Variants in UBAC2 observed in about 807,000 individuals in gnomAD.
UBAC2 encodes the protein UBA domain containing 2, also known as ubiquitin-associated domain-containing protein 2.
UBAC2 carries 26 observed loss-of-function variants against 44.0 expected under a neutral mutation model. The observed-to-expected ratio is 0.59, with a 90% CI of 0.43 to 0.82. UBAC2 has a LOEUF of 0.82. Ranked by LOEUF, UBAC2 falls within the 40% of genes least tolerant of loss-of-function variation. The pLI, the probability that UBAC2 is intolerant of heterozygous loss-of-function variation, is 0.00. For missense variants in UBAC2, 329 were observed against 419.4 expected, an observed-to-expected ratio of 0.78 and a Z score of 1.88; for synonymous variants, 155 against 154.3, an observed-to-expected ratio of 1.00 and a Z score of -0.04.
intron 7 of UBAC2, among the ~76,000 whole-genome samples, chr13:99,351,089 T>C (rs755049040): frequency 1.3e-5 from 2 of 152,250 alleles, no homozygotes; most frequent in Non-Finnish European, 2.9e-5. Flanking sequence ...AGGGACTCAA[T>C]CCTGGGTTGA....
intron 4 of UBAC2, among the ~76,000 whole-genome samples, chr13:99,262,234 T>C (rs1379862420): frequency 6.6e-6 from 1 of 152,160 alleles, no homozygotes; most frequent in Non-Finnish European, 1.5e-5. Context: ...CTGAGCCTAA[T>C]GTATAAGTTA....
chr13:99,267,590 TC>T (rs2138658015), intron 4 of UBAC2, among the ~76,000 whole-genome samples: 1 of 152,310 alleles, frequency 6.6e-6, no homozygotes, highest in African/African-American at 2.4e-5. Context: ...CTAGCTCTGT[TC>T]CAGAGTCTGC....
chr13:99,383,238 C>G (rs1026956261), intron 8 of UBAC2, among the ~76,000 whole-genome samples: 1 of 152,220 alleles, frequency 6.6e-6, no homozygotes, highest in Non-Finnish European at 1.5e-5. Context: ...TGAAAACACT[C>G]AGGAATTTTC....
Position 99,367,874 on chromosome 13 carries a change from G to C in UBAC2, c.895G>C (p.Ala299Pro), listed in dbSNP as rs2045352357. ...TCAGGGCGGTCGGCAGTCTGAGCCA[G>C]CAGCGCCCCCTCTAGAAGTTTCTGA... The part of the protein sequence containing the change: ...NYQGGRQSEP[A>P]APPLEVSEEQ... The change falls in exon 8 of 9, where the codon GCA becomes CCA. Residue 299 changes from alanine to proline, a missense_variant. Ala to Pro is a conservative substitution (Grantham distance 27, BLOSUM62 -1). Coordinates refer to ENST00000403766, the MANE Select transcript of UBAC2 (RefSeq NM_001144072.2). 1 of 1,613,978 alleles carries C rather than the reference G, an allele frequency of 6.2e-7. No individual in the cohort carries two copies. The highest frequency in any genetic ancestry group is 1.7e-5 in the Admixed American group (1 of 60,014).
intron 4 of UBAC2, among the ~76,000 whole-genome samples, chr13:99,277,042 TC>T (rs963867916): frequency 6.6e-6 from 1 of 152,208 alleles, no homozygotes; most frequent in African/African-American, 2.4e-5. Flanking sequence ...TATTTGGTTT[TC>T]TCAGGTTTGC....
chr13:99,382,488 T>C (rs2045564153), intron 8 of UBAC2, among the ~76,000 whole-genome samples: 1 of 152,134 alleles, frequency 6.6e-6, no homozygotes. Context: ...TCATTGAAGC[T>C]AAGGGCCCAG....
At chr13:99,277,062 C>G (rs1360932756) in intron 4 of UBAC2, among the ~76,000 whole-genome samples, 1 of 152,162 alleles carries the variant, frequency 6.6e-6, no homozygotes, top group Non-Finnish European at 1.5e-5. Flanking sequence ...GCCAAGATAG[C>G]TACCCTGTAT....
chr13:99,231,334 T>C (rs960872675), intron 1 of UBAC2: 11 of 152,192 alleles, frequency 7.2e-5, no homozygotes, highest in African/African-American at 2.7e-4. Flanking sequence ...TTGATATTTC[T>C]TTTATAACCT....
chr13:99,299,449 T>TACAC (rs1005093496), intron 4 of UBAC2, among the ~76,000 whole-genome samples: 1 of 149,890 alleles, frequency 6.7e-6, no homozygotes, highest in African/African-American at 2.5e-5. Context: ...GGGAAGCAAA[T>TACAC]ACACACACAC....
intron 1 of UBAC2, among the ~76,000 whole-genome samples, chr13:99,230,676 G>A (rs941553589): frequency 2.0e-5 from 3 of 151,986 alleles, no homozygotes; most frequent in Non-Finnish European, 2.9e-5. Flanking sequence ...TTTTATCTTC[G>A]AAGCCAAGGG....
chr13:99,326,809 G>A (rs903322865), intron 6 of UBAC2, among the ~76,000 whole-genome samples: 3 of 152,108 alleles, frequency 2.0e-5, no homozygotes, highest in African/African-American at 7.2e-5. Flanking sequence ...GCCACGAGAT[G>A]CACAGACACA....
At chr13:99,227,791 T>C (rs1209910247) in intron 1 of UBAC2, among the ~76,000 whole-genome samples, 2 of 152,228 alleles carry the variant, frequency 1.3e-5, no homozygotes, top group African/African-American at 4.8e-5. Context: ...TGCCTACTCA[T>C]ATTTAGAGAA....
At position 99,296,025 on chromosome 13, in the gene UBAC2, C is replaced by T. The variant is rs141594545; in HGVS notation, c.390-18072C>T. The T allele has an allele frequency of 1.5e-5, 25 of 1,613,788 alleles. No homozygotes were observed. Among genetic ancestry groups the T allele is most frequent in the Admixed American group, 5.0e-5 (3 of 59,980 alleles). ...TTTCCCACGAGCCCAATGATGAAGA[C>T]GAGGCTGTAATGCAGAGGCATTACT... On this transcript the variant is annotated intron_variant, in intron 4 of 8. Transcript: ENST00000403766.
At chr13:99,302,394 G>A (rs1566493157) in intron 4 of UBAC2, among the ~76,000 whole-genome samples, 1 of 152,202 alleles carries the variant, frequency 6.6e-6, no homozygotes, top group South Asian at 2.1e-4. Context: ...AAGCACAGAT[G>A]TATCAGGATG....
intron 4 of UBAC2, among the ~76,000 whole-genome samples, chr13:99,247,205 T>TG (rs201807572): frequency 2.0e-4 from 29 of 142,624 alleles, no homozygotes; most frequent in Admixed American, 3.4e-4. Flanking sequence ...GTTTTTTTTT[T>TG]TTTGTTTTGT....
chr13:99,301,781 T>TA (rs1159507133), intron 4 of UBAC2, among the ~76,000 whole-genome samples: 1 of 152,244 alleles, frequency 6.6e-6, no homozygotes, highest in Non-Finnish European at 1.5e-5. Context: ...TTCAAGTAAT[T>TA]AAAGTGTTTT....
rs7999348 is a variant in UBAC2 at position 99,280,668 on chromosome 13, G to C, written c.390-33429G>C. Among the ~76,000 whole-genome samples, 1,223 of 152,162 alleles carry C rather than the reference G, an allele frequency of 8.0e-3. 12 individuals carry two copies. The highest frequency in any genetic ancestry group is 0.028 in the African/African-American group (1,168 of 41,486). ...CTTACAGCTCCCTCAGCATGGAGTA[G>C]TGAAGAGTGTTCTTTAATACCAAAG... On this transcript the variant is annotated intron_variant, in intron 4 of 8. Coordinates refer to ENST00000403766, the MANE Select transcript of UBAC2 (RefSeq NM_001144072.2).
intron 4 of UBAC2, among the ~76,000 whole-genome samples, chr13:99,245,287 A>G (rs1428206283): frequency 2.0e-5 from 3 of 152,246 alleles, no homozygotes; most frequent in Non-Finnish European, 4.4e-5. Flanking sequence ...TAATTAGATT[A>G]GGAAACAAAA....
intron 4 of UBAC2, among the ~76,000 whole-genome samples, chr13:99,269,013 C>T (rs1048081351): frequency 9.9e-5 from 15 of 152,116 alleles, no homozygotes; most frequent in African/African-American, 3.6e-4. Flanking sequence ...ATGAAGACCA[C>T]GGGGACATGC....
Sources: allele counts gnomAD v4.1 joint callset (sites outside exome capture counted in the v4.1 genomes callset), GRCh38; gene constraint gnomAD v4.1.1; transcripts MANE v1.5; gene names NCBI Gene and HGNC (gene_info 2026-07-23, HGNC 2026-07-21).